The following VPS13B variants were observed in gnomAD, a reference collection of about 807,000 sequenced individuals.
The protein encoded by VPS13B is intermembrane lipid transfer protein VPS13B.
A neutral mutation model predicts 426.4 loss-of-function variants in VPS13B; 285 were observed. The observed-to-expected ratio is 0.67, with a 90% CI of 0.61 to 0.74. The LOEUF is 0.74. VPS13B is among the 30% of genes least tolerant of loss of function. The pLI is 0.00. For synonymous variants in VPS13B, 1,676 were observed against 1,676.4 expected (o/e 1.00, Z 0.01); for missense variants, 4,537 against 4,782.6 (o/e 0.95, Z 1.51).
chr8:99,862,560 G>A (rs1450511367), intron 58 of VPS13B, among the ~76,000 whole-genome samples: 3 of 152,204 alleles, frequency 2.0e-5, no homozygotes, highest in South Asian at 2.1e-4. Context: ...AAGCTTCAGA[G>A]CTAAAAGTTT....
At chr8:99,337,284 A>G (rs1207791946) in intron 19 of VPS13B, among the ~76,000 whole-genome samples, 2 of 147,754 alleles carry the variant, frequency 1.4e-5, no homozygotes, top group Admixed American at 6.9e-5. Context: ...AACACCGCAT[A>G]TTCTCACTCA....
intron 12 of VPS13B, among the ~76,000 whole-genome samples, chr8:99,137,671 G>A (rs1012710540): frequency 6.6e-6 from 1 of 152,140 alleles, no homozygotes; most frequent in Non-Finnish European, 1.5e-5. Flanking sequence ...GTTTCTAAAT[G>A]TTGATGTTTT....
chr8:99,797,282 C>T (rs1812890267), intron 43 of VPS13B, among the ~76,000 whole-genome samples: 1 of 151,674 alleles, frequency 6.6e-6, no homozygotes, highest in Non-Finnish European at 1.5e-5. Context: ...CTCTGTGGCC[C>T]AGGCTGGAGT....
At chr8:99,017,927 G>C (rs1841703453) in intron 2 of VPS13B, among the ~76,000 whole-genome samples, 1 of 152,188 alleles carries the variant, frequency 6.6e-6, no homozygotes, top group Non-Finnish European at 1.5e-5. Flanking sequence ...ACATTGAGCT[G>C]ACATAGTTTT....
intron 33 of VPS13B, among the ~76,000 whole-genome samples, chr8:99,604,521 A>T (rs1588541236): frequency 8.4e-6 from 1 of 119,604 alleles, no homozygotes; most frequent in African/African-American, 3.2e-5. Flanking sequence ...TTTTTTTGAG[A>T]CAGAGTCTTG....
intron 34 of VPS13B, among the ~76,000 whole-genome samples, chr8:99,651,411 A>C (rs1032132446): frequency 6.6e-6 from 1 of 152,126 alleles, no homozygotes; most frequent in Non-Finnish European, 1.5e-5. Context: ...ATTTTTAATG[A>C]ATATTAATAT....
intron 8 of VPS13B, among the ~76,000 whole-genome samples, chr8:99,127,403 A>G (rs1168838514): frequency 1.3e-5 from 2 of 152,174 alleles, no homozygotes; most frequent in Non-Finnish European, 2.9e-5. Context: ...ACACATACAA[A>G]CAGAACTCTT....
chr8:99,512,794 G>A (rs755505220), intron 29 of VPS13B, among the ~76,000 whole-genome samples: 7 of 152,124 alleles, frequency 4.6e-5, no homozygotes, highest in Non-Finnish European at 7.4e-5. Flanking sequence ...CAGATCATGA[G>A]GTCAGGAGTT....
chr8:99,053,709 T>C (rs1322332976), intron 3 of VPS13B, among the ~76,000 whole-genome samples: 2 of 151,322 alleles, frequency 1.3e-5, no homozygotes, highest in African/African-American at 4.9e-5. Flanking sequence ...CAACTCTTTT[T>C]TTTTTGGTTT....
In VPS13B at chr8:99,356,904, A is replaced by G. The variant is rs1812212298; in HGVS notation, c.2825-27304A>G. Among the ~76,000 whole-genome samples, 3 of 151,968 alleles carry G rather than the reference A, an allele frequency of 2.0e-5. No homozygotes were observed. The South Asian group carries it at 6.2e-4, about 32-fold the overall frequency. On this transcript the variant is annotated intron_variant, in intron 19 of 61. Coordinates refer to ENST00000357162, the MANE Select transcript of VPS13B (RefSeq NM_152564.5). ...TCCTTTCCTATGTCATAATCATCCA[A>G]TTTCCTTTGTATTTATCCTTTATCT...
chr8:99,351,429 A>AGTGTGTGT (rs751746920), intron 19 of VPS13B, among the ~76,000 whole-genome samples: 3 of 145,498 alleles, frequency 2.1e-5, no homozygotes, highest in Admixed American at 1.3e-4. Flanking sequence ...AGAGAGAGAG[A>AGTGTGTGT]GAGAGAGTGT....
At chr8:99,456,862 G>A (rs780431235) in intron 23 of VPS13B, among the ~76,000 whole-genome samples, 2 of 151,992 alleles carry the variant, frequency 1.3e-5, no homozygotes, top group Non-Finnish European at 2.9e-5. Context: ...TGTGTATTAG[G>A]GATTGACATT....
At chr8:99,823,710 C>A in intron 50 of VPS13B, 122 bp from the exon 51 acceptor site, 1 of 1,059,358 alleles carries the variant, frequency 9.4e-7, no homozygotes, top group Non-Finnish European at 1.4e-6. Flanking sequence ...TGGGGAAAAA[C>A]AAAGGTAAAA....
intron 17 of VPS13B, among the ~76,000 whole-genome samples, chr8:99,268,350 A>G (rs1481559999): frequency 6.6e-6 from 1 of 152,314 alleles, no homozygotes; most frequent in East Asian, 1.9e-4. Context: ...ATCTTGCACC[A>G]TGTGGCCGGA....
chr8:99,493,703 A>C (rs978050374), intron 25 of VPS13B, among the ~76,000 whole-genome samples: 1 of 150,930 alleles, frequency 6.6e-6, no homozygotes, highest in Non-Finnish European at 1.5e-5. Flanking sequence ...AATCACTTGA[A>C]CCTGGGAGGC....
chr8:99,696,856 G>C (rs764700580), intron 35 of VPS13B: 5 of 909,468 alleles, frequency 5.5e-6, no homozygotes, highest in Non-Finnish European at 9.3e-6. Flanking sequence ...AGCTGCTGGA[G>C]CTGCAGTCCA....
intron 6 of VPS13B, among the ~76,000 whole-genome samples, chr8:99,111,945 C>T (rs1200930861): frequency 6.6e-6 from 1 of 151,698 alleles, no homozygotes; most frequent in African/African-American, 2.4e-5. Flanking sequence ...CCCTTTTTTC[C>T]TCTCCCTCCT....
intron 33 of VPS13B, among the ~76,000 whole-genome samples, chr8:99,626,775 G>A (rs963251780): frequency 6.6e-5 from 10 of 152,134 alleles, no homozygotes; most frequent in African/African-American, 1.9e-4. Flanking sequence ...CCATTTCTGA[G>A]TATATACCCA....
At chr8:99,625,679 C>T (rs1828580757) in intron 33 of VPS13B, among the ~76,000 whole-genome samples, 1 of 151,686 alleles carries the variant, frequency 6.6e-6, no homozygotes, top group Non-Finnish European at 1.5e-5. Context: ...CATAATGAAA[C>T]CCTGTCTCTA....
Sources: allele counts gnomAD v4.1 joint callset (sites outside exome capture counted in the v4.1 genomes callset), GRCh38; gene constraint gnomAD v4.1.1; transcripts MANE v1.5; gene names NCBI Gene and HGNC (gene_info 2026-07-23, HGNC 2026-07-21).